The following PHTF2 variants were observed in gnomAD, a reference collection of about 807,000 sequenced individuals.
The protein encoded by PHTF2 is putative homeodomain transcription factor 2, also known as protein PHTF2.
Under a neutral mutation model 101.2 loss-of-function variants are expected in PHTF2, and 60 were observed. The ratio of observed to expected loss-of-function variants is 0.59; its 90% CI spans 0.48 to 0.73. The LOEUF is 0.73. PHTF2 is among the 30% of genes least tolerant of loss of function. The pLI, the probability that PHTF2 is intolerant of heterozygous loss-of-function variation, is 0.00. For missense variants in PHTF2, 747 were observed against 908.7 expected, an observed-to-expected ratio of 0.82 and a Z score of 2.29; for synonymous variants, 311 against 307.3, an observed-to-expected ratio of 1.01 and a Z score of -0.13.
At chr7:77,803,625 T>C (rs1316070184) in intron 1 of PHTF2, among the ~76,000 whole-genome samples, 2 of 152,306 alleles carry the variant, frequency 1.3e-5, no homozygotes, top group East Asian at 3.9e-4. Context: ...ACTTGACATA[T>C]TCTTGATTTC....
intron 11 of PHTF2, among the ~76,000 whole-genome samples, chr7:77,927,156 T>C (rs1584735499): frequency 1.2e-4 from 2 of 17,062 alleles, no homozygotes; most frequent in Non-Finnish European, 2.4e-4. Flanking sequence ...AGACTCCATC[T>C]CAAAAAAAAA....
intron 2 of PHTF2, among the ~76,000 whole-genome samples, chr7:77,850,135 G>A (rs2150617308): frequency 6.6e-6 from 1 of 150,678 alleles, no homozygotes; most frequent in Non-Finnish European, 1.5e-5. Context: ...AGAATTGCTT[G>A]AAGCCAGGAG....
At chr7:77,858,404 T>C (rs976187034) in intron 3 of PHTF2, among the ~76,000 whole-genome samples, 4 of 152,168 alleles carry the variant, frequency 2.6e-5, no homozygotes, top group African/African-American at 4.8e-5. Context: ...CTGTTAAACT[T>C]TTTGCTTTAT....
At chr7:77,818,709 T>G (rs947654217) in intron 1 of PHTF2, among the ~76,000 whole-genome samples, 3 of 152,204 alleles carry the variant, frequency 2.0e-5, no homozygotes, top group Non-Finnish European at 4.4e-5. Flanking sequence ...CTCTTTGTGC[T>G]CAGGATTGCT....
At chr7:77,806,965 A>G (rs1394683773) in intron 1 of PHTF2, among the ~76,000 whole-genome samples, 2 of 152,164 alleles carry the variant, frequency 1.3e-5, no homozygotes, top group Non-Finnish European at 2.9e-5. Flanking sequence ...ATAAATCCCA[A>G]ACAATATTGT....
At chr7:77,823,818 C>T (rs1794496335) in intron 1 of PHTF2, among the ~76,000 whole-genome samples, 1 of 152,180 alleles carries the variant, frequency 6.6e-6, no homozygotes, top group Admixed American at 6.5e-5. Context: ...ATAGATGCTA[C>T]TGACTGGAGA....
intron 3 of PHTF2, among the ~76,000 whole-genome samples, chr7:77,885,742 G>T (rs1238853677): frequency 5.3e-5 from 8 of 152,152 alleles, no homozygotes; most frequent in Non-Finnish European, 1.2e-4. Flanking sequence ...ACTGTGCCTA[G>T]CCTTATTGTT....
chr7:77,798,854 A>T (rs895751811), exon 1 of PHTF2: 1 of 152,512 alleles, frequency 6.6e-6, no homozygotes, highest in African/African-American at 2.4e-5. Flanking sequence ...CTCTGGAGGC[A>T]GCGCGCCCGC....
intron 15 of PHTF2, 51 bp downstream of exon 14, chr7:77,940,710 G>T (rs1805573836): frequency 7.6e-7 from 1 of 1,311,940 alleles, no homozygotes; most frequent in Admixed American, 2.3e-5. Flanking sequence ...CTTTCTGATA[G>T]TTCCAGTTTC....
At chr7:77,946,165 A>G (rs1806035992) in intron 16 of PHTF2, among the ~76,000 whole-genome samples, 1 of 152,242 alleles carries the variant, frequency 6.6e-6, no homozygotes, top group Non-Finnish European at 1.5e-5. Context: ...TAGAAAATCC[A>G]TTAATGCAAT....
At chr7:77,818,664 G>T (rs1403104908) in intron 1 of PHTF2, among the ~76,000 whole-genome samples, 2 of 152,210 alleles carry the variant, frequency 1.3e-5, no homozygotes, top group African/African-American at 2.4e-5. Flanking sequence ...CTACGGCTTT[G>T]TAGTATATTT....
chr7:77,831,699 A>G (rs1584427867), intron 1 of PHTF2, among the ~76,000 whole-genome samples: 1 of 152,210 alleles, frequency 6.6e-6, no homozygotes, highest in African/African-American at 2.4e-5. Flanking sequence ...GTGTTGGTAT[A>G]TGCATGAACA....
intron 1 of PHTF2, among the ~76,000 whole-genome samples, chr7:77,810,065 G>A (rs1197817159): frequency 1.3e-5 from 2 of 152,102 alleles, no homozygotes; most frequent in Non-Finnish European, 2.9e-5. Flanking sequence ...TTATTTTGAT[G>A]TAATTTTAGA....
At chr7:77,943,242 T>A (rs1040048183) in intron 16 of PHTF2, among the ~76,000 whole-genome samples, 134 of 152,322 alleles carry the variant, frequency 8.8e-4, no homozygotes, top group African/African-American at 3.1e-3. Flanking sequence ...TGCCTCAGCC[T>A]CCTGAGTAGC....
At chr7:77,856,352 C>CTTAT (rs143564629) in intron 3 of PHTF2, among the ~76,000 whole-genome samples, 7 of 151,864 alleles carry the variant, frequency 4.6e-5, no homozygotes, top group Non-Finnish European at 7.4e-5. Flanking sequence ...AAAATTTTTA[C>CTTAT]TTATTTATTT....
intron 3 of PHTF2, among the ~76,000 whole-genome samples, chr7:77,875,257 C>T (rs766531648): frequency 1.3e-5 from 2 of 151,924 alleles, no homozygotes; most frequent in Admixed American, 6.6e-5. Context: ...TTTCTTTCAT[C>T]AGTGTTTTGT....
chr7:77,935,554 C>G (rs1482138266), intron 12 of PHTF2, among the ~76,000 whole-genome samples: 1 of 152,196 alleles, frequency 6.6e-6, no homozygotes, highest in Non-Finnish European at 1.5e-5. Flanking sequence ...TCACCAGTTT[C>G]TAGTTGCTGT....
chr7:77,849,382 C>G (rs1796560108), intron 2 of PHTF2, among the ~76,000 whole-genome samples: 1 of 152,010 alleles, frequency 6.6e-6, no homozygotes, highest in Non-Finnish European at 1.5e-5. Flanking sequence ...CAGGTGATCA[C>G]TCACCTCGGC....
chr7:77,847,924 A>G (rs1796437918), intron 2 of PHTF2, among the ~76,000 whole-genome samples: 1 of 151,996 alleles, frequency 6.6e-6, no homozygotes, highest in Non-Finnish European at 1.5e-5. Flanking sequence ...AATTCTTTTA[A>G]TTTTTAGCTC....
Sources: allele counts gnomAD v4.1 joint callset (sites outside exome capture counted in the v4.1 genomes callset), GRCh38; gene constraint gnomAD v4.1.1; transcripts MANE v1.5; gene names NCBI Gene and HGNC (gene_info 2026-07-23, HGNC 2026-07-21).